OTOGL: variants seen among roughly 807,000 people sequenced by gnomAD.
OTOGL encodes otogelin like.
OTOGL carries 285 observed loss-of-function variants against 318.5 expected under a neutral mutation model. That is an observed-to-expected ratio of 0.89 (90% CI 0.81 to 0.99). OTOGL has a LOEUF of 0.99. Among genes scored for constraint, OTOGL ranks in the 50% least tolerant of loss-of-function variants. The probability of loss-of-function intolerance (pLI) is 0.00; values close to 1 mark genes in which losing one functional copy is unlikely to be tolerated. For synonymous variants in OTOGL, 987 were observed against 936.5 expected, an observed-to-expected ratio of 1.05 and a Z score of -0.99; for missense variants, 2,899 against 2,845.6, an observed-to-expected ratio of 1.02 and a Z score of -0.43.
Position 80,262,192 on chromosome 12 carries a change from T to C in OTOGL, c.2014+99T>C, listed in dbSNP as rs572636897. On this transcript the variant is annotated intron_variant, in intron 19 of 58. Coordinates refer to ENST00000547103, the MANE Select transcript of OTOGL (RefSeq NM_001378609.3). ...AAATTAGATAGTTTAAATTCTAATTTTCTCCATTATGGTAAAATCAATGCC... is the reference window on the plus strand; with the variant it reads ...AAATTAGATAGTTTAAATTCTAATTCTCTCCATTATGGTAAAATCAATGCC... 20 of 1,218,164 alleles carry C rather than the reference T, an allele frequency of 1.6e-5. No homozygotes were observed. The South Asian group carries it at 3.8e-4, about 23-fold the overall frequency. The allele number at this position is 1,218,164 out of a possible 1,614,324, so 75.5% of individuals were successfully genotyped here.
At chr12:80,244,079 T>C (rs1280053599) in intron 11 of OTOGL, among the ~76,000 whole-genome samples, 2 of 151,384 alleles carry the variant, frequency 1.3e-5, no homozygotes, top group African/African-American at 4.8e-5. Flanking sequence ...TGGAATTCAT[T>C]CCTGTGCAGT....
intron 52 of OTOGL, among the ~76,000 whole-genome samples, chr12:80,362,944 G>T (rs887275482): frequency 1.3e-5 from 2 of 152,084 alleles, no homozygotes; most frequent in African/African-American, 4.8e-5. Context: ...TGGTATATTT[G>T]GGGAGGGTTT....
chr12:80,221,390 G>T (rs944966419), intron 6 of OTOGL, among the ~76,000 whole-genome samples: 4 of 151,320 alleles, frequency 2.6e-5, no homozygotes, highest in Non-Finnish European at 4.4e-5. Context: ...TCAGCCTCCT[G>T]GGTAGCTGGG....
intron 11 of OTOGL, among the ~76,000 whole-genome samples, chr12:80,250,914 A>G (rs1389468632): frequency 6.6e-6 from 1 of 152,196 alleles, no homozygotes; most frequent in Non-Finnish European, 1.5e-5. Flanking sequence ...TCTAATAGGA[A>G]ATTATTTTGG....
chr12:80,308,783 A>T (rs1886419245), intron 29 of OTOGL, among the ~76,000 whole-genome samples: 2 of 152,246 alleles, frequency 1.3e-5, no homozygotes, highest in African/African-American at 4.8e-5. Context: ...CGGCCAACAC[A>T]GCGAATCCCC....
intron 1 of OTOGL, among the ~76,000 whole-genome samples, chr12:80,116,294 A>G (rs570722658): frequency 1.3e-5 from 2 of 152,030 alleles, no homozygotes; most frequent in African/African-American, 4.8e-5. Context: ...TTTCCCTTGG[A>G]TAGGGGAGAG....
rs369274631 is a variant in OTOGL, at chr12:80,296,885, A to G, written c.2987A>G (p.Asp996Gly). 3 of 1,532,626 alleles carry G rather than the reference A, an allele frequency of 2.0e-6. No homozygotes were observed. The highest frequency in any genetic ancestry group is 2.6e-6 in the Non-Finnish European group (3 of 1,140,886). 94.9% of individuals were successfully genotyped at this position (1,532,626 alleles called of 1,614,324 possible). The change falls in exon 27 of 59, where the codon GAT (aspartate) becomes GGT (glycine). Residue 996 changes from aspartate (D) to glycine (G), a missense_variant. By Grantham distance (94) the Asp-to-Gly change is moderately conservative (BLOSUM62 -1). Around this residue, in one of 3 missense-constraint regions of OTOGL, gnomAD observed 2,607 missense variants for 2,524.9 expected, o/e 1.03. Coordinates refer to ENST00000547103, the MANE Select transcript of OTOGL (RefSeq NM_001378609.3). ...CAGAACAAGAAATGCTTTGACAACG[A>G]TATTGTTTGTTCTAAAAGTGTTTTG... ...IAQNKKCFDN[D>G]IVCSKSVLIS...
At chr12:80,271,085 G>A (rs1369938670) in intron 23 of OTOGL, among the ~76,000 whole-genome samples, 2 of 152,078 alleles carry the variant, frequency 1.3e-5, no homozygotes, top group Non-Finnish European at 2.9e-5. Flanking sequence ...TAGCTACAGG[G>A]CCATCCTGAC....
intron 26 of OTOGL, among the ~76,000 whole-genome samples, chr12:80,279,638 A>G (rs924716906): frequency 2.6e-5 from 4 of 151,348 alleles, no homozygotes; most frequent in East Asian, 1.9e-4. Context: ...TCTTATGGCC[A>G]TGTAATATTC....
chr12:80,368,376 G>C, intron 55 of OTOGL, 67 bp downstream of exon 55: 1 of 1,071,418 alleles, frequency 9.3e-7, no homozygotes, highest in East Asian at 2.9e-5. Flanking sequence ...TCAAAGTTTG[G>C]AAAATGTCCC....
At chr12:80,368,519 C>T (rs1167598313) in intron 55 of OTOGL, among the ~76,000 whole-genome samples, 1 of 151,952 alleles carries the variant, frequency 6.6e-6, no homozygotes, top group Non-Finnish European at 1.5e-5. Flanking sequence ...GTGACTCAAA[C>T]TTATTTTATC....
chr12:80,340,402 A>G (rs1888689326), intron 43 of OTOGL, among the ~76,000 whole-genome samples: 1 of 152,190 alleles, frequency 6.6e-6, no homozygotes, highest in African/African-American at 2.4e-5. Context: ...ATTATTGAGT[A>G]TATGTACTAA....
At chr12:80,113,631 T>C (rs537546947) in intron 1 of OTOGL, among the ~76,000 whole-genome samples, 45 of 151,998 alleles carry the variant, frequency 3.0e-4, no homozygotes, top group East Asian at 2.3e-3. Flanking sequence ...TATGATTTCA[T>C]AGATGTCTAT....
Position 80,378,189 on chromosome 12 carries a change from T to G in OTOGL, c.*141T>G. On this transcript the variant is annotated 3_prime_UTR_variant, in exon 59 of 59. Coordinates refer to ENST00000547103, the MANE Select transcript of OTOGL (RefSeq NM_001378609.3). ...GACTTGGAATGTGGAAATTTAGCAATTTGTACAAAATATATACAGTTTCAA... is the reference window on the plus strand; with the variant it reads ...GACTTGGAATGTGGAAATTTAGCAAGTTGTACAAAATATATACAGTTTCAA... 1 of 643,912 alleles carries G rather than the reference T, an allele frequency of 1.6e-6. No homozygotes were observed. Among genetic ancestry groups the G allele is most frequent in the East Asian group, 2.8e-5 (1 of 35,836 alleles). The allele number at this position is 643,912 out of a possible 1,614,324, so 39.9% of individuals were successfully genotyped here.
intron 1 of OTOGL, among the ~76,000 whole-genome samples, chr12:80,124,112 C>A (rs1282193462): frequency 6.6e-6 from 1 of 152,160 alleles, no homozygotes; most frequent in Non-Finnish European, 1.5e-5. Context: ...AGTCCTTGCC[C>A]ATGCCTATGT....
Position 80,264,995 on chromosome 12 carries a change from T to G in OTOGL, c.2015-6T>G, listed in dbSNP as rs748528484. ...TAAATAAGATGCTAATTGGGCTCTTTGTTAGTTGGGTATGCAGCACACTGT... is the reference window on the plus strand; with the variant it reads ...TAAATAAGATGCTAATTGGGCTCTTGGTTAGTTGGGTATGCAGCACACTGT... On this transcript the variant is annotated splice_polypyrimidine_tract_variant and splice_region_variant and intron_variant, in intron 19 of 58. Transcript: ENST00000547103. 1 of 1,613,594 alleles carries G rather than the reference T, an allele frequency of 6.2e-7. No individual in the cohort carries two copies. The highest frequency in any genetic ancestry group is 8.5e-7 in the Non-Finnish European group (1 of 1,179,598).
chr12:80,253,381 C>T, intron 13 of OTOGL, 85 bp from the exon 14 acceptor site: 1 of 1,268,144 alleles, frequency 7.9e-7, no homozygotes, highest in Non-Finnish European at 1.1e-6. Context: ...AGGTATTCAA[C>T]AGAAGTTGGT....
chr12:80,326,360 T>G (rs1049231516), intron 35 of OTOGL, among the ~76,000 whole-genome samples: 2 of 152,130 alleles, frequency 1.3e-5, no homozygotes, highest in Admixed American at 1.3e-4. Flanking sequence ...ATGAGAACCA[T>G]TCTGCATCTG....
chr12:80,250,142 G>C (rs1260385834), intron 11 of OTOGL, among the ~76,000 whole-genome samples: 1 of 152,184 alleles, frequency 6.6e-6, no homozygotes, highest in African/African-American at 2.4e-5. Context: ...GCTCACGCTG[G>C]GAGCTGTAGA....
Sources: allele counts gnomAD v4.1 joint callset (sites outside exome capture counted in the v4.1 genomes callset), GRCh38; gene constraint gnomAD v4.1.1; regional missense constraint gnomAD v4.1.1; transcripts MANE v1.5; gene names NCBI Gene and HGNC (gene_info 2026-07-23, HGNC 2026-07-21).